The following CAMK2G variants were observed in gnomAD, a reference collection of about 807,000 sequenced individuals.
The protein encoded by CAMK2G is calcium/calmodulin dependent protein kinase II gamma, also known as calcium/calmodulin-dependent protein kinase type II subunit gamma.
A neutral mutation model predicts 88.7 loss-of-function variants in CAMK2G; 23 were observed. The observed-to-expected ratio is 0.26, with a 90% confidence interval of 0.19 to 0.37. CAMK2G has a LOEUF of 0.37. CAMK2G is among the 10% of genes least tolerant of loss of function. CAMK2G has a pLI of 1.00. For missense variants in CAMK2G, 476 were observed against 780.8 expected, an observed-to-expected ratio of 0.61 and a Z score of 4.65; for synonymous variants, 263 against 294.8, an observed-to-expected ratio of 0.89 and a Z score of 1.11.
Position 73,848,921 on chromosome 10 carries a change from A to T in CAMK2G, c.517+92T>A. On this transcript the variant is annotated intron_variant, in intron 7 of 22. Coordinates refer to ENST00000423381, the MANE Select transcript of CAMK2G (RefSeq NM_001367534.1). The surrounding 1 kb of genome is among the most constrained non-coding windows in gnomAD (Gnocchi z 4.5). The stretch of plus-strand genomic sequence containing the variant: ...GAGATCTCGGAGGCCAGGACCATTA[A>T]GGGTCTGGCTTCTAGTTCTAATAGA... 1.2e-6 allele frequency: 1 copy of T among 851,340 alleles called. No homozygotes were observed. The highest frequency in any genetic ancestry group is 2.1e-6 in the Non-Finnish European group (1 of 486,326). The allele number at this position is 851,340 out of a possible 1,614,324, so 52.7% of individuals were successfully genotyped here.
At chr10:73,849,523 G>T (rs572442527) in intron 5 of CAMK2G, among the ~76,000 whole-genome samples, 190 bp from the exon 6 acceptor site, 1 of 152,280 alleles carries the variant, frequency 6.6e-6, no homozygotes, top group African/African-American at 2.4e-5. Flanking sequence ...AGGAAACCGA[G>T]GCCCAGGCAG....
chr10:73,861,685 T>A (rs1358599528), intron 2 of CAMK2G, among the ~76,000 whole-genome samples: 3 of 152,188 alleles, frequency 2.0e-5, no homozygotes, highest in Non-Finnish European at 4.4e-5. Context: ...GGAACACTAA[T>A]AATAGCTAAG....
intron 5 of CAMK2G, 41 bp downstream of exon 5, chr10:73,852,213 A>C: frequency 6.5e-7 from 1 of 1,541,202 alleles, no homozygotes; most frequent in South Asian, 1.1e-5. Flanking sequence ...TTCAGTCCTA[A>C]ACTCCAGAGC....
intron 14 of CAMK2G, among the ~76,000 whole-genome samples, chr10:73,830,513 G>C (rs982734424): frequency 6.6e-6 from 1 of 152,206 alleles, no homozygotes; most frequent in African/African-American, 2.4e-5. Flanking sequence ...TTTTAAGCTG[G>C]AAAAGCGTTC....
rs752676893 is a variant in CAMK2G at position 73,852,332 on chromosome 10, G to A, written c.276-13C>T. The A allele has an allele frequency of 6.2e-7, 1 of 1,612,246 alleles. No individual in the cohort carries two copies. The highest frequency in any genetic ancestry group is 1.3e-5 in the African/African-American group (1 of 74,844). ...CCCGCCGGTAACACTGCAACCAACG[G>A]GAAGAAGAGGGTCAGAGGCAGAAAG... On this transcript the variant is annotated splice_polypyrimidine_tract_variant and intron_variant, in intron 4 of 22. Transcript: ENST00000423381.
Position 73,815,072 on chromosome 10 carries a change from G to A in CAMK2G, c.1710C>T (p.Gly570=). The A allele has an allele frequency of 6.2e-7, 1 of 1,614,170 alleles. No individual in the cohort carries two copies. Among genetic ancestry groups the A allele is most frequent in the Non-Finnish European group, 8.5e-7 (1 of 1,180,030 alleles). The change falls in exon 22 of 23, where the codon GGC becomes GGT. Residue 570 remains glycine (G), a synonymous_variant. Coordinates refer to ENST00000423381, the MANE Select transcript of CAMK2G (RefSeq NM_001367534.1). ...AGTGATAGTGGACATTGAGCCACTTGCCATCCCGACGGTGCCAGACCCGGG... is the reference window on the plus strand; with the variant it reads ...AGTGATAGTGGACATTGAGCCACTTACCATCCCGACGGTGCCAGACCCGGG... ...EETRVWHRRD[G]KWLNVHYHCS... is the part of the protein sequence containing the mutation.
intron 18 of CAMK2G, 28 bp downstream of exon 18, chr10:73,821,654 C>T (rs780853310): frequency 6.3e-7 from 1 of 1,587,874 alleles, no homozygotes; most frequent in Non-Finnish European, 8.6e-7. Flanking sequence ...CTGCTGGAGT[C>T]CTTCCCCCTC....
In CAMK2G at chr10:73,839,476, G is replaced by T; in HGVS notation, c.1009+63C>A. 1 of 962,948 alleles carries T rather than the reference G, an allele frequency of 1.0e-6. No homozygotes were observed. The highest frequency in any genetic ancestry group is 1.3e-6 in the Non-Finnish European group (1 of 741,406). 59.7% of individuals were successfully genotyped at this position (962,948 alleles called of 1,614,324 possible). A position where few individuals can be genotyped will look rare whatever the true frequency, so the allele number is the denominator to read the frequency against. On this transcript the variant is annotated intron_variant, in intron 13 of 22. Coordinates refer to ENST00000423381, the MANE Select transcript of CAMK2G (RefSeq NM_001367534.1). This position sits in a 1 kb window ranked among gnomAD's most constrained non-coding sequence, Gnocchi z 4.2. The stretch of plus-strand genomic sequence containing the variant: ...CCCTGGTGAGTGGGCCCGGCATGCT[G>T]GCCCTCCTGGTGGGGTGGCAGGGGG...
Position 73,842,476 on chromosome 10 carries a change from A to G in CAMK2G, c.885T>C (p.Asn295=). 1 of 1,613,452 alleles carries G rather than the reference A, an allele frequency of 6.2e-7. No homozygotes were observed. The highest frequency in any genetic ancestry group is 8.5e-7 in the Non-Finnish European group (1 of 1,179,330). Residue 295 remains asparagine, a synonymous_variant, in exon 11 of 23, where the codon AAT becomes AAC. Transcript: ENST00000423381. This position sits in a 1 kb window ranked among gnomAD's most constrained non-coding sequence, Gnocchi z 4.6. ...QETVECLRKF[N]ARRKLKGAIL... ...CACTCACCTTCAGTTTTCTCCGGGC[A>G]TTGAACTTGCGCAAACACTCCACAG...
rs527858962 is a variant in CAMK2G at position 73,848,439 on chromosome 10, G to T, written c.601+87C>A. The T allele has an allele frequency of 5.0e-5, 44 of 884,686 alleles. No homozygotes were observed. Among genetic ancestry groups the T allele is most frequent in the Non-Finnish European group, 7.3e-5 (39 of 533,138 alleles). The allele number at this position is 884,686 out of a possible 1,614,324, so 54.8% of individuals were successfully genotyped here. The stretch of plus-strand genomic sequence containing the variant: ...CATACACCAGGCACGTGTGTGACCT[G>T]CAAGGAATAGCGATGCCTCTTTCTT... On this transcript the variant is annotated intron_variant, in intron 8 of 22. Transcript: ENST00000423381. The surrounding 1 kb of genome is among the most constrained non-coding windows in gnomAD (Gnocchi z 4.5).
intron 19 of CAMK2G, chr10:73,818,512 G>T (rs1027443820): frequency 1.6e-5 from 6 of 363,898 alleles, no homozygotes; most frequent in Non-Finnish European, 2.2e-5. Flanking sequence ...TTCCTCACAG[G>T]AGCAAAAGGC....
chr10:73,819,393 C>A (rs552834002), intron 19 of CAMK2G, 139 bp downstream of exon 19: 18 of 676,926 alleles, frequency 2.7e-5, no homozygotes, highest in Admixed American at 4.5e-5. Flanking sequence ...GTCTACCCCC[C>A]ACCCCCAGCA....
At chr10:73,858,168 A>C (rs2095176022) in intron 3 of CAMK2G, among the ~76,000 whole-genome samples, 1 of 152,224 alleles carries the variant, frequency 6.6e-6, no homozygotes, top group South Asian at 2.1e-4. Context: ...ACTGGGCATG[A>C]CTGGCCCCTA....
At chr10:73,818,446 G>C (rs2086505034) in intron 19 of CAMK2G, 1 of 333,972 alleles carries the variant, frequency 3.0e-6, no homozygotes, top group Non-Finnish European at 6.0e-6. Flanking sequence ...GGAGAGCTTG[G>C]GTTGAGCTTG....
intron 2 of CAMK2G, among the ~76,000 whole-genome samples, chr10:73,867,713 A>T (rs1196897651): frequency 6.6e-6 from 1 of 152,088 alleles, no homozygotes; most frequent in Non-Finnish European, 1.5e-5. Context: ...AGCAACGAGG[A>T]GGGATTTGCT....
chr10:73,862,300 C>G (rs937428863), intron 2 of CAMK2G, among the ~76,000 whole-genome samples: 12 of 26,126 alleles, frequency 4.6e-4, no homozygotes, highest in South Asian at 2.4e-3. Context: ...CTACTCCACC[C>G]CCCCCCCCCC....
At chr10:73,871,259 T>G (rs1039140655) in intron 2 of CAMK2G, among the ~76,000 whole-genome samples, 2 of 148,266 alleles carry the variant, frequency 1.3e-5, no homozygotes, top group African/African-American at 2.5e-5. Flanking sequence ...TAAAAGGAGG[T>G]GAGGAAGGGA....
chr10:73,863,864 T>A (rs963818003), intron 2 of CAMK2G, among the ~76,000 whole-genome samples: 28 of 152,176 alleles, frequency 1.8e-4, no homozygotes, highest in African/African-American at 6.3e-4. Flanking sequence ...AGCCCTGTGT[T>A]CCCGGCAAGG....
At chr10:73,870,687 C>T (rs560778794) in intron 2 of CAMK2G, among the ~76,000 whole-genome samples, 1 of 152,314 alleles carries the variant, frequency 6.6e-6, no homozygotes, top group South Asian at 2.1e-4. Flanking sequence ...CCTGGTGGGC[C>T]CACGACATTC....
Sources: allele counts gnomAD v4.1 joint callset (sites outside exome capture counted in the v4.1 genomes callset), GRCh38; gene constraint gnomAD v4.1.1; non-coding constraint Gnocchi (gnomAD v3.1); transcripts MANE v1.5; gene names NCBI Gene and HGNC (gene_info 2026-07-23, HGNC 2026-07-21).